The following RSBN1L variants were observed in gnomAD, a reference collection of about 807,000 sequenced individuals.
The protein encoded by RSBN1L is lysine-specific demethylase RSBN1L.
RSBN1L carries 30 observed loss-of-function variants against 67.7 expected under a neutral mutation model. The ratio of observed to expected loss-of-function variants is 0.44; its 90% CI spans 0.33 to 0.60. The LOEUF is 0.60. RSBN1L is among the 20% of genes least tolerant of loss of function. RSBN1L has a pLI of 0.02. For missense variants in RSBN1L, 992 were observed against 1,031.7 expected, an observed-to-expected ratio of 0.96 and a Z score of 0.53; for synonymous variants, 433 against 387.0, an observed-to-expected ratio of 1.12 and a Z score of -1.39.
intron 5 of RSBN1L, among the ~76,000 whole-genome samples, chr7:77,770,121 C>G (rs991571177): frequency 6.6e-6 from 1 of 152,058 alleles, no homozygotes; most frequent in African/African-American, 2.4e-5. Flanking sequence ...GCCTGTAATC[C>G]CAGCACTTTG....
chr7:77,734,369 C>T (rs941813040), intron 1 of RSBN1L, among the ~76,000 whole-genome samples: 2 of 151,874 alleles, frequency 1.3e-5, no homozygotes, highest in Admixed American at 6.6e-5. Context: ...AATGTGGAGA[C>T]GTTTTAGGTG....
intron 2 of RSBN1L, among the ~76,000 whole-genome samples, chr7:77,744,745 C>G (rs1326174516): frequency 3.9e-5 from 6 of 152,094 alleles, no homozygotes; most frequent in Non-Finnish European, 1.5e-5. Context: ...AGAATTAACA[C>G]TTTGCCTTTT....
intron 2 of RSBN1L, among the ~76,000 whole-genome samples, chr7:77,741,584 C>G (rs1043015444): frequency 6.6e-6 from 1 of 150,798 alleles, no homozygotes; most frequent in South Asian, 2.1e-4. Context: ...CCCAGCTACT[C>G]GGGAGGCTGA....
At chr7:77,732,271 CA>C (rs1791281046) in intron 1 of RSBN1L, among the ~76,000 whole-genome samples, 1 of 152,092 alleles carries the variant, frequency 6.6e-6, no homozygotes, top group African/African-American at 2.4e-5. Flanking sequence ...TTATAGTAAA[CA>C]GTGATGCCAC....
chr7:77,736,968 G>C (rs888388413), intron 2 of RSBN1L, among the ~76,000 whole-genome samples: 5 of 152,114 alleles, frequency 3.3e-5, no homozygotes, highest in Non-Finnish European at 7.3e-5. Flanking sequence ...ATTTTACTCT[G>C]AGCTAAATCA....
intron 3 of RSBN1L, among the ~76,000 whole-genome samples, chr7:77,752,544 T>G (rs551914532): frequency 2.2e-4 from 34 of 152,298 alleles, no homozygotes; most frequent in East Asian, 1.7e-3. Flanking sequence ...TGAGCATGCT[T>G]CTTCTTGCAC....
At chr7:77,758,593 T>C (rs1791652541) in intron 3 of RSBN1L, among the ~76,000 whole-genome samples, 1 of 152,210 alleles carries the variant, frequency 6.6e-6, no homozygotes, top group South Asian at 2.1e-4. Flanking sequence ...ATTCTTTCTT[T>C]TTTTGTGTGT....
intron 1 of RSBN1L, among the ~76,000 whole-genome samples, chr7:77,718,167 A>G (rs1445753613): frequency 6.6e-6 from 1 of 152,118 alleles, no homozygotes; most frequent in African/African-American, 2.4e-5. Context: ...TAGATAGGAA[A>G]AGCGAGCTCT....
At chr7:77,743,372 G>A (rs1016172323) in intron 2 of RSBN1L, among the ~76,000 whole-genome samples, 2 of 152,008 alleles carry the variant, frequency 1.3e-5, no homozygotes, top group African/African-American at 2.4e-5. Flanking sequence ...GCCGAGACGG[G>A]TGGATAATCT....
intron 1 of RSBN1L, among the ~76,000 whole-genome samples, chr7:77,698,911 C>A (rs922620253): frequency 2.6e-5 from 4 of 151,758 alleles, no homozygotes; most frequent in African/African-American, 9.7e-5. Context: ...ATTTTTCCCT[C>A]GTAACTTGGG....
At chr7:77,733,981 G>T (rs1463434055) in intron 1 of RSBN1L, among the ~76,000 whole-genome samples, 2 of 152,182 alleles carry the variant, frequency 1.3e-5, no homozygotes, top group East Asian at 3.8e-4. Flanking sequence ...ACAAAAATTA[G>T]CCGAGTGCGA....
intron 1 of RSBN1L, among the ~76,000 whole-genome samples, chr7:77,718,158 A>G (rs1791072277): frequency 6.6e-6 from 1 of 152,238 alleles, no homozygotes; most frequent in East Asian, 1.9e-4. Context: ...CATGGCAGCT[A>G]GATAGGAAAA....
At position 77,727,173 on chromosome 7, in the gene RSBN1L, C is replaced by T. The variant is rs908933845; in HGVS notation, c.587-9237C>T. On this transcript the variant is annotated intron_variant, in intron 1 of 7. Coordinates refer to ENST00000334955, the MANE Select transcript of RSBN1L (RefSeq NM_198467.3). Reference sequence around the variant, plus strand: ...CACTCTCTTGGCTCACTGCATCCTCCGCCTCCTAGGTTCAAGCGATTCTCC... The same window carrying T: ...CACTCTCTTGGCTCACTGCATCCTCTGCCTCCTAGGTTCAAGCGATTCTCC... Among the ~76,000 whole-genome samples the T allele has an allele frequency of 1.3e-4, 19 of 151,876 alleles. No homozygotes were observed. In the East Asian group the frequency reaches 1.9e-3, roughly 16 times the overall value.
chr7:77,768,534 A>G (rs1791804508), intron 4 of RSBN1L, 127 bp from the exon 5 acceptor site: 1 of 792,222 alleles, frequency 1.3e-6, no homozygotes, highest in African/African-American at 1.7e-5. Flanking sequence ...AATATTATGT[A>G]TTTCAGATGC....
At position 77,779,155 on chromosome 7, in the gene RSBN1L, A is replaced by T; in HGVS notation, c.2528A>T (p.Asp843Val). 1.3e-6 allele frequency: 2 copies of T among 1,580,206 alleles called. No individual in the cohort carries two copies. The highest frequency in any genetic ancestry group is 2.7e-5 in the African/African-American group (2 of 73,048). ...AHSNQDKKDD[D>V]ILC ...TCAAATCAAGATAAAAAAGACGATG[A>T]CATTTTGTGCTAAATTTGCATATAC... Residue 843 changes from aspartate (D) to valine (V), a missense_variant, in exon 8 of 8, where the codon GAC becomes GTC. By Grantham distance (152) the Asp-to-Val change is radical. Transcript: ENST00000334955.
intron 4 of RSBN1L, among the ~76,000 whole-genome samples, chr7:77,765,926 T>C (rs1490558663): frequency 6.6e-6 from 1 of 152,142 alleles, no homozygotes; most frequent in African/African-American, 2.4e-5. Context: ...TTTAGGAAAT[T>C]AGGTTCCATG....
chr7:77,696,464 C>A lies in RSBN1L; in HGVS notation c.-6C>A, dbSNP rs371634830. The A allele has an allele frequency of 7.1e-5, 113 of 1,600,782 alleles. No homozygotes were observed. Among genetic ancestry groups the A allele is most frequent in the Non-Finnish European group, 9.3e-5 (109 of 1,173,052 alleles). ...CGGAGGAGAGTAAATACAACAGGAG[C>A]GCAAAATGGCGGAACCGCCGAGCCC... is the stretch of plus-strand genomic sequence containing the variant. On this transcript the variant is annotated 5_prime_UTR_variant, in exon 1 of 8. Transcript: ENST00000334955.
At chr7:77,751,389 C>G (rs537252253) in intron 3 of RSBN1L, among the ~76,000 whole-genome samples, 2 of 152,344 alleles carry the variant, frequency 1.3e-5, no homozygotes, top group East Asian at 3.9e-4. Flanking sequence ...ACCTGCCTGC[C>G]TTGGCCTCCC....
intron 1 of RSBN1L, among the ~76,000 whole-genome samples, chr7:77,701,057 C>T (rs572862430): frequency 6.7e-6 from 1 of 149,048 alleles, no homozygotes; most frequent in African/African-American, 2.5e-5. Flanking sequence ...ACCTGGGAGG[C>T]TGAGGCATCG....
Sources: allele counts gnomAD v4.1 joint callset (sites outside exome capture counted in the v4.1 genomes callset), GRCh38; gene constraint gnomAD v4.1.1; transcripts MANE v1.5; gene names NCBI Gene and HGNC (gene_info 2026-07-23, HGNC 2026-07-21).